TMEM51: variants seen among roughly 807,000 people sequenced by gnomAD.
TMEM51 encodes the protein transmembrane protein 51.
A neutral mutation model predicts 13.6 loss-of-function variants in TMEM51; 8 were observed. The ratio of observed to expected loss-of-function variants is 0.59; its 90% CI spans 0.35 to 1.07. The LOEUF is 1.07. Among genes scored for constraint, TMEM51 ranks in the 50% least tolerant of loss-of-function variants. The pLI is 0.02. For synonymous variants in TMEM51, 147 were observed against 144.4 expected, an observed-to-expected ratio of 1.02 and a Z score of -0.13; for missense variants, 279 against 330.7, an observed-to-expected ratio of 0.84 and a Z score of 1.21.
At chr1:15,206,458 C>T (rs926756596) in intron 1 of TMEM51, among the ~76,000 whole-genome samples, 1 of 152,166 alleles carries the variant, frequency 6.6e-6, no homozygotes, top group Non-Finnish European at 1.5e-5. Flanking sequence ...AAGTGGCCCC[C>T]AGGGACTCAG....
chr1:15,157,465 G>A (rs1642627321), intron 1 of TMEM51, among the ~76,000 whole-genome samples: 1 of 152,196 alleles, frequency 6.6e-6, no homozygotes, highest in South Asian at 2.1e-4. Context: ...ATTTGCCTGA[G>A]ATCACAGCCA....
At chr1:15,167,287 A>G (rs1231669288) in intron 1 of TMEM51, among the ~76,000 whole-genome samples, 2 of 134,658 alleles carry the variant, frequency 1.5e-5, no homozygotes, top group Non-Finnish European at 3.1e-5. Flanking sequence ...AGATGACGCC[A>G]CTGCACTCCA....
intron 2 of TMEM51, among the ~76,000 whole-genome samples, chr1:15,214,225 G>T (rs1378131349): frequency 6.6e-6 from 1 of 152,106 alleles, no homozygotes. Context: ...CACCACGGTG[G>T]TTGCTGGAGG....
At chr1:15,200,865 G>T (rs60661807) in intron 1 of TMEM51, among the ~76,000 whole-genome samples, 1,725 of 152,256 alleles carry the variant, frequency 0.011, 31 homozygotes, top group African/African-American at 0.037. Flanking sequence ...ACAGGGAATT[G>T]TATCTCCTGA....
intron 1 of TMEM51, among the ~76,000 whole-genome samples, chr1:15,175,608 T>A (rs1050410035): frequency 1.3e-5 from 2 of 152,176 alleles, no homozygotes; most frequent in Admixed American, 1.3e-4. Flanking sequence ...GAGGTTTAAT[T>A]GACTCACAGT....
chr1:15,169,155 G>T (rs1643143714), intron 1 of TMEM51, among the ~76,000 whole-genome samples: 3 of 152,104 alleles, frequency 2.0e-5, no homozygotes, highest in Admixed American at 2.0e-4. Context: ...TAATAACAGG[G>T]CCCACAGCTA....
chr1:15,213,859 C>T (rs1276271410), intron 2 of TMEM51, among the ~76,000 whole-genome samples: 2 of 151,218 alleles, frequency 1.3e-5, no homozygotes, highest in African/African-American at 4.9e-5. Flanking sequence ...TTTTTTTTTT[C>T]GAGACAGAGT....
At chr1:15,210,150 T>C (rs1644316209) in intron 1 of TMEM51, among the ~76,000 whole-genome samples, 1 of 152,200 alleles carries the variant, frequency 6.6e-6, no homozygotes, top group Admixed American at 6.5e-5. Flanking sequence ...CTCTCCTGCC[T>C]TGTTCTTTTC....
intron 1 of TMEM51, among the ~76,000 whole-genome samples, chr1:15,177,798 G>T (rs1210432240): frequency 6.6e-6 from 1 of 152,166 alleles, no homozygotes; most frequent in Non-Finnish European, 1.5e-5. Flanking sequence ...ATATTTCCCA[G>T]GTTATCAGTG....
intron 1 of TMEM51, among the ~76,000 whole-genome samples, chr1:15,199,428 C>A (rs796797299): frequency 2.4e-4 from 36 of 152,158 alleles, no homozygotes; most frequent in African/African-American, 8.2e-4. Context: ...AGCCACCACA[C>A]CCGGTCAGTT....
At position 15,215,036 on chromosome 1, in the gene TMEM51, G is replaced by A. The variant is rs768260150; in HGVS notation, c.-52G>A. Reference sequence around the variant, plus strand: ...GGGTTTTTGTTGTGACTGCTGCCTTGTATACATTTATTTTCTTTCTTGGAA... The same window carrying A: ...GGGTTTTTGTTGTGACTGCTGCCTTATATACATTTATTTTCTTTCTTGGAA... On this transcript the variant is annotated 5_prime_UTR_variant, in exon 3 of 4. Coordinates refer to ENST00000376008, the MANE Select transcript of TMEM51 (RefSeq NM_001136218.2). 531 of 1,527,234 alleles carry A rather than the reference G, an allele frequency of 3.5e-4. No homozygotes were observed. The highest frequency in any genetic ancestry group is 1.8e-3 in the Middle Eastern group (10 of 5,586). The allele number at this position is 1,527,234 out of a possible 1,614,324, so 94.6% of individuals were successfully genotyped here.
At chr1:15,193,103 G>A (rs185311359) in intron 1 of TMEM51, among the ~76,000 whole-genome samples, 79 of 152,306 alleles carry the variant, frequency 5.2e-4, no homozygotes, top group African/African-American at 1.7e-3. Context: ...GCACAGCACC[G>A]GCGTAGCAGC....
intron 1 of TMEM51, among the ~76,000 whole-genome samples, chr1:15,184,679 T>C (rs1296543251): frequency 6.6e-6 from 1 of 152,074 alleles, no homozygotes; most frequent in Non-Finnish European, 1.5e-5. Context: ...TTTGAAACCT[T>C]TGGACAGGTA....
Position 15,215,188 on chromosome 1 carries a change from T to A in TMEM51, c.101T>A (p.Val34Glu). 6.2e-7 allele frequency: 1 copy of A among 1,614,206 alleles called. No homozygotes were observed. Residue 34 changes from valine to glutamate, a missense_variant, in exon 3 of 4, where the codon GTA (valine) becomes GAA (glutamate). By Grantham distance (121) the Val-to-Glu change is moderately radical. Coordinates refer to ENST00000376008, the MANE Select transcript of TMEM51 (RefSeq NM_001136218.2). ...LGVIMAMWNLVPGFSAAEKPT... is the reference protein window; with the variant it reads ...LGVIMAMWNLEPGFSAAEKPT... ...GTGATCATGGCCATGTGGAACCTGG[T>A]ACCCGGCTTCAGCGCGGCCGAGAAG...
At chr1:15,211,720 T>C (rs1644340816) in intron 2 of TMEM51, among the ~76,000 whole-genome samples, 1 of 150,160 alleles carries the variant, frequency 6.7e-6, no homozygotes, top group African/African-American at 2.5e-5. Flanking sequence ...AGCAATACAA[T>C]CAGATTGTGA....
chr1:15,177,268 A>G (rs904352955), intron 1 of TMEM51, among the ~76,000 whole-genome samples: 3 of 152,256 alleles, frequency 2.0e-5, no homozygotes, highest in Non-Finnish European at 4.4e-5. Flanking sequence ...AGACACTTCC[A>G]TGGGCCAGAT....
chr1:15,157,880 G>T (rs1324734416), intron 1 of TMEM51, among the ~76,000 whole-genome samples: 2 of 152,178 alleles, frequency 1.3e-5, no homozygotes, highest in African/African-American at 4.8e-5. Flanking sequence ...CATCGTGAAG[G>T]CTGGCGACCA....
At chr1:15,170,025 G>A (rs1341987654) in intron 1 of TMEM51, among the ~76,000 whole-genome samples, 1 of 152,154 alleles carries the variant, frequency 6.6e-6, no homozygotes, top group African/African-American at 2.4e-5. Context: ...CTAATGATCT[G>A]GGTGACCTTG....
At chr1:15,188,952 C>T (rs561514474) in intron 1 of TMEM51, among the ~76,000 whole-genome samples, 1 of 152,202 alleles carries the variant, frequency 6.6e-6, no homozygotes, top group Non-Finnish European at 1.5e-5. Flanking sequence ...GCTCCTGCCT[C>T]TCCAGGGTCC....
Sources: gnomAD v4.1 joint callset for allele counts (sites outside exome capture counted in the v4.1 genomes callset) on GRCh38, gnomAD v4.1.1 for gene constraint, MANE v1.5 for transcripts, NCBI Gene and HGNC (gene_info 2026-07-23, HGNC 2026-07-21) for gene names.